ZBTB16: variants seen among roughly 807,000 people sequenced by gnomAD.
The protein encoded by ZBTB16 is zinc finger and BTB domain-containing protein 16.
ZBTB16 carries 8 observed loss-of-function variants against 56.8 expected under a neutral mutation model. That is an observed-to-expected ratio of 0.14 (90% CI 0.08 to 0.25). The LOEUF (loss-of-function observed/expected upper bound fraction) is 0.25, where lower values mean the gene tolerates loss of function less well. ZBTB16 is among the 10% of genes least tolerant of loss of function. ZBTB16 has a pLI of 1.00. For missense variants in ZBTB16, 625 were observed against 903.0 expected, an observed-to-expected ratio of 0.69 and a Z score of 3.95; for synonymous variants, 363 against 368.5, an observed-to-expected ratio of 0.98 and a Z score of 0.17.
intron 2 of ZBTB16, among the ~76,000 whole-genome samples, chr11:114,115,473 C>T (rs1941143055): frequency 6.6e-6 from 1 of 151,604 alleles, no homozygotes; most frequent in Non-Finnish European, 1.5e-5. Context: ...AGTGAGCAGG[C>T]GAGAGTCCCA....
intron 2 of ZBTB16, among the ~76,000 whole-genome samples, chr11:114,084,588 G>A (rs1939895257): frequency 2.0e-5 from 3 of 152,106 alleles, no homozygotes; most frequent in South Asian, 2.1e-4. Context: ...GAGCGGGTGG[G>A]GGTTGATGAG....
Position 114,063,789 on chromosome 11 carries a change from C to T in ZBTB16, c.489C>T (p.Ser163=), listed in dbSNP as rs141895562. Residue 163 remains serine, a synonymous_variant, in exon 2 of 7, where the codon AGC becomes AGT. Transcript: ENST00000335953. The surrounding 1 kb of genome is among the most constrained non-coding windows in gnomAD (Gnocchi z 6.5). Reference sequence around the variant, plus strand: ...ACATCTTCATCTCGAAGCATTCCAGCGAGGAGAGTGGGTATGCCAGTGTGG... The same window carrying T: ...ACATCTTCATCTCGAAGCATTCCAGTGAGGAGAGTGGGTATGCCAGTGTGG... The part of the protein sequence containing the change: ...LKNIFISKHS[S]EESGYASVAG... The T allele has an allele frequency of 4.8e-5, 77 of 1,614,016 alleles. No homozygotes were observed. Among genetic ancestry groups the T allele is most frequent in the Non-Finnish European group, 5.8e-5 (68 of 1,180,038 alleles).
chr11:114,064,092 C>T lies in ZBTB16; in HGVS notation c.792C>T (p.Ile264=). 1 of 1,613,872 alleles carries T rather than the reference C, an allele frequency of 6.2e-7. No homozygotes were observed. The change falls in exon 2 of 7, where the codon ATC becomes ATT. Residue 264 remains isoleucine, a synonymous_variant. Coordinates refer to ENST00000335953, the MANE Select transcript of ZBTB16 (RefSeq NM_006006.6). This position sits in a 1 kb window ranked among gnomAD's most constrained non-coding sequence, Gnocchi z 4.2. The stretch of plus-strand genomic sequence containing the variant: ...GCCCTGGGGCAGCCGAGTCCAGCAT[C>T]TCAGGAGGGATGGGGGACAAGGTTG... The part of the protein sequence containing the change: ...QDSPGAAESS[I]SGGMGDKVEE...
chr11:114,093,829 A>T (rs1298899456), intron 2 of ZBTB16, among the ~76,000 whole-genome samples: 1 of 152,206 alleles, frequency 6.6e-6, no homozygotes, highest in South Asian at 2.1e-4. Flanking sequence ...ATAGTTTCTA[A>T]AAAAGGCATC....
In ZBTB16 at chr11:114,143,021, T is replaced by C. The variant is rs1433926654; in HGVS notation, c.1269-13316T>C. Among the ~76,000 whole-genome samples the C allele has an allele frequency of 6.6e-6, 1 of 152,142 alleles. No individual in the cohort carries two copies. Among genetic ancestry groups the C allele is most frequent in the Non-Finnish European group, 1.5e-5 (1 of 68,016 alleles). ...GGGAGGCAGAACAGGATTTTGTTTA[T>C]GGGGAAATAAAGCCCCTGGCCAGCG... On this transcript the variant is annotated intron_variant, in intron 2 of 6. Coordinates refer to ENST00000335953, the MANE Select transcript of ZBTB16 (RefSeq NM_006006.6). The surrounding 1 kb of genome is among the most constrained non-coding windows in gnomAD (Gnocchi z 6.4).
intron 2 of ZBTB16, among the ~76,000 whole-genome samples, chr11:114,147,828 A>G (rs1431343643): frequency 6.6e-6 from 1 of 152,160 alleles, no homozygotes; most frequent in Non-Finnish European, 1.5e-5. Context: ...AGTGAGCATA[A>G]ATAGAACATT....
intron 2 of ZBTB16, among the ~76,000 whole-genome samples, chr11:114,141,334 C>T (rs1205330766): frequency 6.6e-6 from 1 of 152,228 alleles, no homozygotes; most frequent in East Asian, 1.9e-4. Flanking sequence ...GCAGTGACAG[C>T]AGCTACTGTT....
chr11:114,134,554 T>C (rs1941750184), intron 2 of ZBTB16, among the ~76,000 whole-genome samples: 1 of 152,206 alleles, frequency 6.6e-6, no homozygotes, highest in Admixed American at 6.5e-5. Flanking sequence ...AAACTAGATA[T>C]AGCCCTTTAT....
chr11:114,192,930 G>A (rs1050503731), intron 4 of ZBTB16, among the ~76,000 whole-genome samples: 1 of 152,204 alleles, frequency 6.6e-6, no homozygotes, highest in African/African-American at 2.4e-5. Flanking sequence ...GCCAGGGGCA[G>A]GGGAGTAAGC....
chr11:114,214,868 T>C (rs1407964173), intron 4 of ZBTB16, among the ~76,000 whole-genome samples: 1 of 152,194 alleles, frequency 6.6e-6, no homozygotes, highest in Non-Finnish European at 1.5e-5. Flanking sequence ...AATTATTTTT[T>C]TTCCTAAAGC....
At chr11:114,188,035 G>A (rs1391590656) in intron 4 of ZBTB16, 7 of 163,292 alleles carry the variant, frequency 4.3e-5, no homozygotes, top group African/African-American at 1.7e-4. Flanking sequence ...TACATTATGT[G>A]AGTTGTATAA....
chr11:114,242,714 G>C (rs543588445), intron 5 of ZBTB16, among the ~76,000 whole-genome samples: 1 of 152,242 alleles, frequency 6.6e-6, no homozygotes, highest in Non-Finnish European at 1.5e-5. Flanking sequence ...AAACTGACCT[G>C]CTGGGTCTCT....
intron 3 of ZBTB16, among the ~76,000 whole-genome samples, chr11:114,175,234 A>G (rs971646508): frequency 2.6e-5 from 4 of 152,166 alleles, no homozygotes; most frequent in Admixed American, 6.5e-5. Flanking sequence ...CACAACACCA[A>G]TACTTTCACT....
chr11:114,068,833 C>T (rs1421855602), intron 2 of ZBTB16, among the ~76,000 whole-genome samples: 3 of 152,162 alleles, frequency 2.0e-5, no homozygotes, highest in Non-Finnish European at 4.4e-5. Context: ...GCCAGGAGCA[C>T]CTGATCATTC....
chr11:114,226,044 C>A (rs1228088035), intron 4 of ZBTB16, among the ~76,000 whole-genome samples: 1 of 152,182 alleles, frequency 6.6e-6, no homozygotes. Context: ...GACTTCAACA[C>A]CGAGGCTCTT....
rs939702032 is a variant in ZBTB16, at chr11:114,079,711, G to C, written c.1268+15143G>C. Among the ~76,000 whole-genome samples the C allele has an allele frequency of 3.3e-5, 5 of 152,320 alleles. No individual in the cohort carries two copies. The East Asian group carries it at 9.7e-4, about 29-fold the overall frequency. ...ACTATAGTGAGTGATAAGCACTGTC[G>C]GCTGCTGTGTCTGACTCGGAAGGCA... is the stretch of plus-strand genomic sequence containing the variant. On this transcript the variant is annotated intron_variant, in intron 2 of 6. Transcript: ENST00000335953.
At chr11:114,230,486 C>T (rs1944417123) in intron 4 of ZBTB16, among the ~76,000 whole-genome samples, 5 of 152,024 alleles carry the variant, frequency 3.3e-5, no homozygotes, top group Admixed American at 3.3e-4. Context: ...CCGTACAGTA[C>T]GGGAAGGCCG....
At chr11:114,141,885 C>G (rs981703090) in intron 2 of ZBTB16, among the ~76,000 whole-genome samples, 1 of 152,196 alleles carries the variant, frequency 6.6e-6, no homozygotes, top group African/African-American at 2.4e-5. Flanking sequence ...CAGAATAGTG[C>G]CTGGCACATA....
chr11:114,070,580 C>T (rs1939311241), intron 2 of ZBTB16, among the ~76,000 whole-genome samples: 1 of 152,230 alleles, frequency 6.6e-6, no homozygotes, highest in South Asian at 2.1e-4. Context: ...ACCAGGCACT[C>T]AGCTTGCCTT....
Sources: allele counts gnomAD v4.1 joint callset (sites outside exome capture counted in the v4.1 genomes callset), GRCh38; gene constraint gnomAD v4.1.1; non-coding constraint Gnocchi (gnomAD v3.1); transcripts MANE v1.5; gene names NCBI Gene and HGNC (gene_info 2026-07-23, HGNC 2026-07-21).